The following CD96 variants were observed in gnomAD, a reference collection of about 807,000 sequenced individuals.
CD96 encodes the protein T-cell surface protein tactile.
CD96 carries 70 observed loss-of-function variants against 71.3 expected under a neutral mutation model. The ratio of observed to expected loss-of-function variants is 0.98; its 90% confidence interval spans 0.81 to 1.20. The LOEUF (loss-of-function observed/expected upper bound fraction) is 1.20, where lower values mean the gene tolerates loss of function less well. Among genes scored for constraint, CD96 ranks in the 50% most tolerant of loss-of-function variants. The pLI is 0.00. For synonymous variants in CD96, 248 were observed against 233.0 expected (o/e 1.06, Z -0.59); for missense variants, 742 against 677.5 (o/e 1.10, Z -1.06).
At chr3:111,657,880 GTAATCT>G (rs1940271557) in intron 14 of CD96, among the ~76,000 whole-genome samples, 1 of 152,112 alleles carries the variant, frequency 6.6e-6, no homozygotes, top group African/African-American at 2.4e-5. Flanking sequence ...TCCTTCACTG[GTAATCT>G]TAATCTTAAT....
At chr3:111,544,395 A>G (rs1441622543) in intron 1 of CD96, among the ~76,000 whole-genome samples, 3 of 151,828 alleles carry the variant, frequency 2.0e-5, no homozygotes, top group Non-Finnish European at 4.4e-5. Context: ...TGCCCACCTC[A>G]GCCTCCCAAA....
chr3:111,543,552 G>A (rs79754631), intron 1 of CD96, among the ~76,000 whole-genome samples: 2 of 152,098 alleles, frequency 1.3e-5, no homozygotes, highest in Non-Finnish European at 2.9e-5. Context: ...AAGTTATGTG[G>A]AAGGAAAATA....
intron 12 of CD96, among the ~76,000 whole-genome samples, chr3:111,646,546 A>T (rs1450217088): frequency 6.6e-6 from 1 of 152,008 alleles, no homozygotes; most frequent in Admixed American, 6.6e-5. Context: ...AAAGTAAAAA[A>T]AAAAAAAGAA....
At chr3:111,623,704 A>G (rs1326459553) in intron 8 of CD96, 50 bp from the exon 9 acceptor site, 4 of 1,146,772 alleles carry the variant, frequency 3.5e-6, no homozygotes, top group South Asian at 2.5e-5. Flanking sequence ...ACAGTTAAAC[A>G]TACGAATGTA....
At chr3:111,590,755 T>A (rs1451151908) in intron 5 of CD96, among the ~76,000 whole-genome samples, 3 of 152,230 alleles carry the variant, frequency 2.0e-5, no homozygotes, top group South Asian at 4.1e-4. Context: ...GCAAAAGATA[T>A]CAAGCCAAAG....
intron 8 of CD96, 195 bp downstream of exon 8, chr3:111,606,987 T>C (rs1019720874): frequency 1.6e-5 from 10 of 636,790 alleles, no homozygotes; most frequent in Non-Finnish European, 2.6e-5. Flanking sequence ...ATGTATGATC[T>C]AATGGTTTTT....
At chr3:111,585,772 C>G (rs540762600) in intron 5 of CD96, among the ~76,000 whole-genome samples, 3 of 152,300 alleles carry the variant, frequency 2.0e-5, no homozygotes, top group African/African-American at 7.2e-5. Context: ...CCTTTACCCA[C>G]TTTCCCATTG....
chr3:111,611,936 G>T (rs1937962570), intron 8 of CD96, among the ~76,000 whole-genome samples: 1 of 152,168 alleles, frequency 6.6e-6, no homozygotes, highest in Admixed American at 6.5e-5. Context: ...CTTTATGCTG[G>T]ACTGAAGGTC....
chr3:111,655,320 A>T (rs889955396), downstream of CD96, among the ~76,000 whole-genome samples: 4 of 152,166 alleles, frequency 2.6e-5, 1 homozygote, highest in Non-Finnish European at 4.4e-5. Flanking sequence ...TAGATTCCAC[A>T]CTCATGAAAT....
rs1395373422 is a variant in CD96, at chr3:111,623,774, G to A, written c.1201G>A (p.Val401Met). ...SPARYPATSS[V>M]TLVDVSALRP... ...AATAGGATATCCAGCTACATCTTCA[G>A]TGACCCTTGTAGATGTGAGTGCCTT... The change falls in exon 9 of 14, where the codon GTG becomes ATG. Residue 401 changes from valine to methionine, a missense_variant. Val to Met is a conservative substitution (Grantham distance 21, BLOSUM62 1). Coordinates refer to ENST00000352690, the MANE Select transcript of CD96 (RefSeq NM_005816.5). 2 of 1,609,882 alleles carry A rather than the reference G, an allele frequency of 1.2e-6. No individual in the cohort carries two copies. The highest frequency in any genetic ancestry group is 1.3e-5 in the African/African-American group (1 of 74,942).
At chr3:111,542,462 G>A (rs1034106037) in intron 1 of CD96, among the ~76,000 whole-genome samples, 153 bp downstream of exon 1, 4 of 152,004 alleles carry the variant, frequency 2.6e-5, no homozygotes, top group Non-Finnish European at 5.9e-5. Flanking sequence ...TAAGCGGCAG[G>A]TATAAGAGAG....
intron 5 of CD96, among the ~76,000 whole-genome samples, chr3:111,590,192 C>T (rs1032100874): frequency 2.0e-5 from 3 of 152,198 alleles, no homozygotes; most frequent in African/African-American, 7.2e-5. Context: ...TTAACTCTGG[C>T]CCCTAAGAGC....
At chr3:111,544,639 ACGTGTGTATTATATTCAGCTGT>A (rs1322616654) in intron 1 of CD96, among the ~76,000 whole-genome samples, 2 of 152,204 alleles carry the variant, frequency 1.3e-5, no homozygotes, top group Non-Finnish European at 2.9e-5. Flanking sequence ...AGAAAGCATC[ACGTGTGTATTATATTCAGCTGT>A]CGTTTTATAA....
At chr3:111,574,951 C>CT (rs11310598) in intron 3 of CD96, among the ~76,000 whole-genome samples, 102 of 145,642 alleles carry the variant, frequency 7.0e-4, no homozygotes, top group Admixed American at 3.3e-3. Context: ...ACCCAGCTAA[C>CT]TTTTTTTTTT....
At chr3:111,604,164 G>T (rs1263325169) in intron 7 of CD96, among the ~76,000 whole-genome samples, 1 of 152,146 alleles carries the variant, frequency 6.6e-6, no homozygotes, top group Non-Finnish European at 1.5e-5. Flanking sequence ...CAAGCTCTGA[G>T]GAAACCCCGG....
intron 8 of CD96, among the ~76,000 whole-genome samples, chr3:111,612,101 G>A (rs751662968): frequency 5.9e-5 from 9 of 152,168 alleles, no homozygotes; most frequent in African/African-American, 9.7e-5. Context: ...ACAACAAATA[G>A]CCACTATGGC....
chr3:111,642,665 G>A lies in CD96; in HGVS notation c.1477+4497G>A, dbSNP rs148772192. On this transcript the variant is annotated intron_variant, in intron 12 of 13. Transcript: ENST00000352690. ...CTACTAAAAATACAAAAATCAGCCA[G>A]GTATGGTGGCAGGCGCCTATAATCC... Among the ~76,000 whole-genome samples, 173 of 152,096 alleles carry A rather than the reference G, an allele frequency of 1.1e-3. 5 individuals carry two copies. The East Asian group carries it at 0.023, about 20-fold the overall frequency.
At chr3:111,584,470 AT>A (rs1384622373) in intron 4 of CD96, among the ~76,000 whole-genome samples, 2 of 152,160 alleles carry the variant, frequency 1.3e-5, no homozygotes, top group African/African-American at 4.8e-5. Flanking sequence ...GTACTAATTT[AT>A]TGTATTAGTC....
chr3:111,564,816 G>T (rs576647620), intron 2 of CD96, among the ~76,000 whole-genome samples: 13 of 152,232 alleles, frequency 8.5e-5, no homozygotes, highest in African/African-American at 3.1e-4. Flanking sequence ...AGAGTGTTCA[G>T]TATCCCTAAA....
Sources: allele counts gnomAD v4.1 joint callset (sites outside exome capture counted in the v4.1 genomes callset), GRCh38; gene constraint gnomAD v4.1.1; transcripts MANE v1.5; gene names NCBI Gene and HGNC (gene_info 2026-07-23, HGNC 2026-07-21).